MRPL9: variants seen among roughly 807,000 people sequenced by gnomAD.
MRPL9 encodes the protein large ribosomal subunit protein bL9m.
MRPL9 carries 25 observed loss-of-function variants against 27.6 expected under a neutral mutation model. That is an observed-to-expected ratio of 0.91 (90% CI 0.66 to 1.27). MRPL9 has a LOEUF of 1.27. MRPL9 is among the 50% of genes most tolerant of loss of function. The pLI is 0.00. For synonymous variants in MRPL9, 154 were observed against 139.0 expected (o/e 1.11, Z -0.76); for missense variants, 362 against 338.0 (o/e 1.07, Z -0.56).
Position 151,760,838 on chromosome 1 carries a change from C to T in MRPL9, c.650G>A (p.Gly217Asp), listed in dbSNP as rs1648028697. The T allele has an allele frequency of 4.4e-6, 7 of 1,598,918 alleles. No homozygotes were observed. Among genetic ancestry groups the T allele is most frequent in the Non-Finnish European group, 6.0e-6 (7 of 1,175,578 alleles). ...CACCGTCACCTCACACCAATACTCG[C>T]CCCACCGTGTGATAGGCTCTTCTGG... is the stretch of plus-strand genomic sequence containing the variant. Reference protein sequence around the residue: ...KLPEEPITRWGEYWCEVTVNG... With the variant: ...KLPEEPITRWDEYWCEVTVNG... Residue 217 changes from glycine (G) to aspartate (D), a missense_variant, in exon 6 of 7, where the codon GGC becomes GAC. By Grantham distance (94) the Gly-to-Asp change is moderately conservative. Coordinates refer to ENST00000368830, the MANE Select transcript of MRPL9 (RefSeq NM_031420.4).
chr1:151,762,337 T>A (rs751365054), intron 3 of MRPL9, 39 bp downstream of exon 3: 12 of 1,611,786 alleles, frequency 7.4e-6, no homozygotes, highest in Admixed American at 3.3e-5. Context: ...AAAAGAAGTT[T>A]TATCTCCCCA....
intron 4 of MRPL9, 113 bp from the exon 5 acceptor site, chr1:151,761,665 G>A: frequency 2.6e-6 from 2 of 755,734 alleles, no homozygotes; most frequent in Non-Finnish European, 4.4e-6. Flanking sequence ...GGGAGGCCAA[G>A]GTGGGTCTCC....
chr1:151,762,263 T>C (rs1394600091), intron 3 of MRPL9, 108 bp from the exon 4 acceptor site: 8 of 1,573,114 alleles, frequency 5.1e-6, no homozygotes, highest in Non-Finnish European at 8.7e-7. Context: ...TGCATTCCTG[T>C]TCTTCTAGTT....
chr1:151,760,687 C>T (rs1020837623), intron 6 of MRPL9, 129 bp downstream of exon 6: 8 of 813,916 alleles, frequency 9.8e-6, no homozygotes, highest in Non-Finnish European at 1.5e-5. Context: ...GGGAGGATCG[C>T]TTGAACCCAG....
Position 151,761,502 on chromosome 1 carries a change from A to G in MRPL9, c.537T>C (p.Asn179=). Residue 179 remains asparagine, a synonymous_variant, in exon 5 of 7, where the codon AAT becomes AAC. Coordinates refer to ENST00000368830, the MANE Select transcript of MRPL9 (RefSeq NM_031420.4). ...SCRLEVGMKN[N]VKWELNPEIV... is the part of the protein sequence containing the mutation. ...TTTCAGGGTTCAGCTCCCATTTGAC[A>G]TTGTTCTTCATCCCTACCTCCAGGC... The G allele has an allele frequency of 6.2e-7, 1 of 1,613,970 alleles. No homozygotes were observed. The highest frequency in any genetic ancestry group is 8.5e-7 in the Non-Finnish European group (1 of 1,179,910).
intron 2 of MRPL9, 130 bp downstream of exon 2, chr1:151,762,860 T>C: frequency 1.8e-6 from 2 of 1,141,840 alleles, no homozygotes; most frequent in South Asian, 3.0e-5. Context: ...TATGGCTTCC[T>C]CTTCTCACAT....
At chr1:151,762,549 T>C (rs1648145403) in intron 2 of MRPL9, 49 bp from the exon 3 acceptor site, 1 of 1,564,256 alleles carries the variant, frequency 6.4e-7, no homozygotes, top group Non-Finnish European at 8.7e-7. Context: ...TAGGAGTCCC[T>C]AAAGAAAAGA....
Position 151,760,859 on chromosome 1 carries a change from T to G in MRPL9, c.629A>C (p.Glu210Ala), listed in dbSNP as rs8480. The G allele has an allele frequency of 0.48, 750,949 of 1,565,364 alleles. 185,098 individuals are homozygous for G. The highest frequency in any genetic ancestry group is 0.64 in the African/African-American group (45,089 of 70,388). ...CTCGCCCCACCGTGTGATAGGCTCT[T>G]CTGGTAACTTTAATGTATGTGGGGC... ...VVAPHTLKLP[E>A]EPITRWGEYW... The change falls in exon 6 of 7, where the codon GAA becomes GCA. Residue 210 changes from glutamate (E) to alanine (A), a missense_variant. Glu to Ala is a moderately radical substitution (Grantham distance 107). Transcript: ENST00000368830.
chr1:151,762,176 T>C lies in MRPL9; in HGVS notation c.436-21A>G. 1.9e-6 allele frequency: 3 copies of C among 1,613,632 alleles called. No homozygotes were observed. The South Asian group carries it at 3.3e-5, about 18-fold the overall frequency. ...CTCAGCTAGAAAAGAAAGTTAAAGA[T>C]GAAAAGCAGTAAAAGAAAAATGAGC... On this transcript the variant is annotated intron_variant, in intron 3 of 6. Transcript: ENST00000368830.
At chr1:151,763,208 C>G (rs758683606) in intron 1 of MRPL9, 62 bp from the exon 2 acceptor site, 2 of 1,562,166 alleles carry the variant, frequency 1.3e-6, no homozygotes, top group Non-Finnish European at 1.7e-6. Context: ...CCCTCCACCA[C>G]GGCCGCCAGC....
intron 3 of MRPL9, 74 bp from the exon 4 acceptor site, chr1:151,762,229 T>C (rs1648120939): frequency 4.5e-6 from 7 of 1,564,196 alleles, no homozygotes; most frequent in African/African-American, 4.1e-5. Flanking sequence ...AAACTATTCC[T>C]ATGTTGGACA....
chr1:151,762,116 C>T lies in MRPL9; in HGVS notation c.475G>A (p.Ala159Thr), dbSNP rs764434765. 2 of 1,614,134 alleles carry T rather than the reference C, an allele frequency of 1.2e-6. No homozygotes were observed. Among genetic ancestry groups the T allele is most frequent in the Non-Finnish European group, 8.5e-7 (1 of 1,180,014 alleles). Residue 159 changes from alanine (A) to threonine (T), a missense_variant, in exon 4 of 7, where the codon GCA (alanine) becomes ACA (threonine). By Grantham distance (58) the Ala-to-Thr change is moderately conservative (BLOSUM62 0). Coordinates refer to ENST00000368830, the MANE Select transcript of MRPL9 (RefSeq NM_031420.4). ...ATGTTTCTACTCACCGCCTCACCTGCCTTGGTCTGGATCTTCTCTAATTTT... is the reference window on the plus strand; with the variant it reads ...ATGTTTCTACTCACCGCCTCACCTGTCTTGGTCTGGATCTTCTCTAATTTT... The part of the protein sequence containing the change: ...EGKLEKIQTK[A>T]GEATVKFLKS...
At position 151,760,867 on chromosome 1, in the gene MRPL9, C is replaced by CTT; in HGVS notation, c.619_620dup (p.Leu208SerfsTer17). 6.6e-7 allele frequency: 1 copy of CTT among 1,504,652 alleles called. No homozygotes were observed. 93.2% of individuals were successfully genotyped at this position (1,504,652 alleles called of 1,614,324 possible). A position where few individuals can be genotyped will look rare whatever the true frequency, so the allele number is the denominator to read the frequency against. On this transcript the variant is annotated frameshift_variant, in exon 6 of 7. Coordinates refer to ENST00000368830, the MANE Select transcript of MRPL9 (RefSeq NM_031420.4). LOFTEE classifies it high-confidence loss of function. ...ACCGTGTGATAGGCTCTTCTGGTAACTTTAATGTATGTGGGGCAACCACAA... is the reference window on the plus strand; with the variant it reads ...ACCGTGTGATAGGCTCTTCTGGTAACTTTTTAATGTATGTGGGGCAACCACAA...
chr1:151,762,255 C>A (rs991625671), intron 3 of MRPL9, 100 bp from the exon 4 acceptor site: 1 of 1,568,584 alleles, frequency 6.4e-7, no homozygotes, highest in Non-Finnish European at 8.8e-7. Context: ...TGGGCTTCTG[C>A]ATTCCTGTTC....
intron 6 of MRPL9, among the ~76,000 whole-genome samples, chr1:151,760,603 T>TAAAAAA (rs1648019612): frequency 9.8e-6 from 1 of 101,588 alleles, no homozygotes. Context: ...AAAAAAAAAT[T>TAAAAAA]AGAAAAAAGG....
At position 151,762,389 on chromosome 1, in the gene MRPL9, TCAAA is replaced by T. The variant is rs1371327446; in HGVS notation, c.418_421del (p.Phe140LysfsTer6). The T allele has an allele frequency of 6.2e-7, 1 of 1,614,056 alleles. No individual in the cohort carries two copies. Among genetic ancestry groups the T allele is most frequent in the African/African-American group, 1.3e-5 (1 of 74,924 alleles). On this transcript the variant is annotated frameshift_variant, in exon 3 of 7. Transcript: ENST00000368830. LOFTEE classifies it high-confidence loss of function. ...CTTTGAGCTCACCAATTTCTCCTCT[TCAAA>T]CAGCTTCTTGTTTTCAGGGGATGCA...
At chr1:151,762,273 T>C in intron 3 of MRPL9, 103 bp downstream of exon 3, 1 of 1,579,888 alleles carries the variant, frequency 6.3e-7, no homozygotes, top group African/African-American at 1.4e-5. Context: ...TTCTTCTAGT[T>C]CCTATTTCAT....
At chr1:151,762,259 C>T in intron 3 of MRPL9, 104 bp from the exon 4 acceptor site, 29 of 1,573,668 alleles carry the variant, frequency 1.8e-5, no homozygotes, top group Non-Finnish European at 2.5e-5. Flanking sequence ...CTTCTGCATT[C>T]CTGTTCTTCT....
Position 151,761,454 on chromosome 1 carries a change from C to CTT in MRPL9, c.583_584dup (p.Asn196ArgfsTer12), listed in dbSNP as rs1240215452. On this transcript the variant is annotated frameshift_variant, in exon 5 of 7. Transcript: ENST00000368830. LOFTEE classifies it high-confidence loss of function. ...GTTTTTGGGAACACTCACTCACATT[C>CTT]TTAAAGAAGTGGCGGGCAACTATTT... 2 of 1,611,984 alleles carry CTT rather than the reference C, an allele frequency of 1.2e-6. No individual in the cohort carries two copies. Among genetic ancestry groups the CTT allele is most frequent in the East Asian group, 2.2e-5 (1 of 44,842 alleles).
Sources: allele counts gnomAD v4.1 joint callset (sites outside exome capture counted in the v4.1 genomes callset), GRCh38; gene constraint gnomAD v4.1.1; transcripts MANE v1.5; gene names NCBI Gene and HGNC (gene_info 2026-07-23, HGNC 2026-07-21).